CPLX2: variants seen among roughly 807,000 people sequenced by gnomAD.
CPLX2 encodes the protein complexin 2.
A neutral mutation model predicts 16.3 loss-of-function variants in CPLX2; 5 were observed. The observed-to-expected ratio is 0.31, with a 90% CI of 0.16 to 0.64. CPLX2 has a LOEUF of 0.64. Among genes scored for constraint, CPLX2 ranks in the 30% least tolerant of loss-of-function variants. The pLI, the probability that CPLX2 is intolerant of heterozygous loss-of-function variation, is 0.79. For synonymous variants in CPLX2, 89 were observed against 73.2 expected (o/e 1.22, Z -1.10); for missense variants, 144 against 181.4 (o/e 0.79, Z 1.18).
chr5:175,879,083 G>A lies in CPLX2; in HGVS notation c.207G>A (p.Lys69=). The change falls in exon 3 of 4, where the codon AAG becomes AAA. Residue 69 remains lysine, a splice_region_variant and synonymous_variant. Coordinates refer to ENST00000393745, the MANE Select transcript of CPLX2 (RefSeq NM_001008220.2). ...AGGTCCGGCAGCAGATCCGAGATAAGGTCAGCTCCGCCCGCCCGCCCGTCC... is the reference window on the plus strand; with the variant it reads ...AGGTCCGGCAGCAGATCCGAGATAAAGTCAGCTCCGCCCGCCCGCCCGTCC... ...REKVRQQIRD[K]YGLKKKEEKE... is the part of the protein sequence containing the mutation. The A allele has an allele frequency of 6.4e-7, 1 of 1,564,358 alleles. No homozygotes were observed. The highest frequency in any genetic ancestry group is 8.7e-7 in the Non-Finnish European group (1 of 1,154,792).
At chr5:175,812,292 G>C (rs368468180) in intron 2 of CPLX2, among the ~76,000 whole-genome samples, 1 of 152,202 alleles carries the variant, frequency 6.6e-6, no homozygotes, top group Non-Finnish European at 1.5e-5. Context: ...CAGCACCTGA[G>C]GGAGACAGGA....
chr5:175,837,376 C>T (rs1758857846), intron 2 of CPLX2: 1 of 152,226 alleles, frequency 6.6e-6, no homozygotes. Flanking sequence ...TCCCTTTTGT[C>T]TTCAGGCTGC....
At chr5:175,838,271 T>C (rs1208604729) in intron 2 of CPLX2, among the ~76,000 whole-genome samples, 1 of 148,386 alleles carries the variant, frequency 6.7e-6, no homozygotes, top group Non-Finnish European at 1.5e-5. Flanking sequence ...CCTGTCTTTT[T>C]TTTTTTTTTT....
chr5:175,832,116 C>T (rs1309142763), intron 2 of CPLX2, among the ~76,000 whole-genome samples: 1 of 152,138 alleles, frequency 6.6e-6, no homozygotes, highest in Non-Finnish European at 1.5e-5. Context: ...CAAAAAGGTT[C>T]CTGGCCCTGA....
At chr5:175,832,208 C>G (rs1220122227) in intron 2 of CPLX2, among the ~76,000 whole-genome samples, 1 of 152,240 alleles carries the variant, frequency 6.6e-6, no homozygotes, top group African/African-American at 2.4e-5. Context: ...TAATCATCAA[C>G]CAGTCACAGC....
At chr5:175,848,624 G>T (rs985567521) in intron 2 of CPLX2, among the ~76,000 whole-genome samples, 1 of 152,218 alleles carries the variant, frequency 6.6e-6, no homozygotes, top group East Asian at 1.9e-4. Context: ...AGTCATTCTA[G>T]TTGAGGAGAT....
chr5:175,858,150 C>T (rs751525830), intron 2 of CPLX2, among the ~76,000 whole-genome samples: 6 of 152,200 alleles, frequency 3.9e-5, no homozygotes, highest in South Asian at 2.1e-4. Context: ...TGCCATTCCC[C>T]GGGGAAAAGA....
At chr5:175,804,820 C>T (rs1024840133) in intron 1 of CPLX2, among the ~76,000 whole-genome samples, 1 of 152,176 alleles carries the variant, frequency 6.6e-6, no homozygotes, top group Non-Finnish European at 1.5e-5. Flanking sequence ...CCCTGACTAC[C>T]CAACCCTGTT....
At chr5:175,816,208 G>T (rs1031154166) in intron 2 of CPLX2, among the ~76,000 whole-genome samples, 1 of 151,462 alleles carries the variant, frequency 6.6e-6, no homozygotes, top group Non-Finnish European at 1.5e-5. Context: ...TCACTCTGTC[G>T]CCAGGCTGGA....
At chr5:175,797,146 T>A (rs1757998520) in intron 1 of CPLX2, among the ~76,000 whole-genome samples, 1 of 152,130 alleles carries the variant, frequency 6.6e-6, no homozygotes, top group East Asian at 1.9e-4. Flanking sequence ...CTCCCAACGC[T>A]AGCACCGCGG....
At position 175,818,943 on chromosome 5, in the gene CPLX2, G is replaced by A. The variant is rs965355916; in HGVS notation, c.-89+9875G>A. Reference sequence around the variant, plus strand: ...CTCCCAAAGTGCTGGGATTACAGGCGTGAGCCACCGCGCCCGGCCCCGACT... The same window carrying A: ...CTCCCAAAGTGCTGGGATTACAGGCATGAGCCACCGCGCCCGGCCCCGACT... On this transcript the variant is annotated intron_variant, in intron 2 of 4. Transcript: ENST00000359546. Among the ~76,000 whole-genome samples the A allele has an allele frequency of 3.9e-5, 6 of 152,076 alleles. No homozygotes were observed. In the East Asian group the frequency reaches 5.8e-4, roughly 15 times the overall value.
upstream of CPLX2, among the ~76,000 whole-genome samples, chr5:175,867,823 T>C (rs1581099846): frequency 1.3e-5 from 2 of 152,108 alleles, no homozygotes; most frequent in Non-Finnish European, 1.5e-5. Context: ...AAATACACCA[T>C]TGCACACTTA....
intron 2 of CPLX2, among the ~76,000 whole-genome samples, chr5:175,828,946 G>C (rs565261026): frequency 9.1e-4 from 139 of 152,222 alleles, no homozygotes; most frequent in Non-Finnish European, 1.7e-3. Flanking sequence ...GGAGAAGTGA[G>C]GTCTGGGGGA....
At chr5:175,821,902 C>T (rs1758517049) in intron 2 of CPLX2, among the ~76,000 whole-genome samples, 1 of 152,054 alleles carries the variant, frequency 6.6e-6, no homozygotes, top group Non-Finnish European at 1.5e-5. Flanking sequence ...TGAAAGTGGC[C>T]AGTGTGATAA....
rs900141136 is a variant in CPLX2, at chr5:175,881,328, C to G, written c.*1283C>G. On this transcript the variant is annotated 3_prime_UTR_variant, in exon 4 of 4. Transcript: ENST00000393745. ...TTGCAGTCATCATATCTATGTGTTA[C>G]AGATTGTGTATGTTAGCCTTGTGTA... 2 of 153,344 alleles carry G rather than the reference C, an allele frequency of 1.3e-5. No homozygotes were observed. Among genetic ancestry groups the G allele is most frequent in the Non-Finnish European group, 2.9e-5 (2 of 68,214 alleles). 9.5% of individuals were successfully genotyped at this position (153,344 alleles called of 1,614,324 possible). A position where few individuals can be genotyped will look rare whatever the true frequency, so the allele number is the denominator to read the frequency against.
intron 2 of CPLX2, among the ~76,000 whole-genome samples, chr5:175,853,178 G>A (rs11134936): frequency 0.11 from 16,292 of 152,254 alleles, 1,172 homozygotes; most frequent in Middle Eastern, 0.18. Context: ...GCACCAAAGC[G>A]TTTTATTTTT....
intron 2 of CPLX2, 24 bp from the exon 3 acceptor site, chr5:175,878,884 C>G (rs956830362): frequency 1.9e-5 from 30 of 1,610,410 alleles, no homozygotes; most frequent in Non-Finnish European, 2.4e-5. Flanking sequence ...ACCCCGCCCT[C>G]TCCTTCCCAC....
At chr5:175,846,484 A>C (rs1012578755) in intron 2 of CPLX2, among the ~76,000 whole-genome samples, 1 of 152,208 alleles carries the variant, frequency 6.6e-6, no homozygotes, top group African/African-American at 2.4e-5. Flanking sequence ...TCTAGGTTGA[A>C]AGATAAAGAT....
chr5:175,863,892 G>C (rs909533319), intron 2 of CPLX2, among the ~76,000 whole-genome samples: 1 of 152,130 alleles, frequency 6.6e-6, no homozygotes, highest in Non-Finnish European at 1.5e-5. Flanking sequence ...GGGGTAAAAA[G>C]AAGAAGAACC....
Sources: allele counts gnomAD v4.1 joint callset (sites outside exome capture counted in the v4.1 genomes callset), GRCh38; gene constraint gnomAD v4.1.1; transcripts MANE v1.5; gene names NCBI Gene and HGNC (gene_info 2026-07-23, HGNC 2026-07-21).